The following FAAH2 variants were observed in gnomAD, a reference collection of about 807,000 sequenced individuals.
The protein encoded by FAAH2 is fatty acid amide hydrolase 2.
A neutral mutation model predicts 36.9 loss-of-function variants in FAAH2; 60 were observed. The ratio of observed to expected loss-of-function variants is 1.63; its 90% CI spans 1.32 to 2.02. The LOEUF is 2.02. Ranked by LOEUF, FAAH2 falls within the 30% of genes most tolerant of loss-of-function variation. The probability of loss-of-function intolerance (pLI) is 0.00; values close to 1 mark genes in which losing one functional copy is unlikely to be tolerated. For missense variants in FAAH2, 689 were observed against 397.5 expected, an observed-to-expected ratio of 1.73 and a Z score of -6.23; for synonymous variants, 214 against 143.8, an observed-to-expected ratio of 1.49 and a Z score of -3.49.
chrX:57,258,167 A>G, the FAAH2 span, among the ~76,000 whole-genome samples: 1 of 111,771 alleles, frequency 8.9e-6, no homozygotes, highest in Non-Finnish European at 1.9e-5. Flanking sequence ...TTGATTTTTC[A>G]TTAAAGCATC....
the FAAH2 span, among the ~76,000 whole-genome samples, chrX:57,234,051 G>A: frequency 8.9e-6 from 1 of 112,723 alleles, no homozygotes; most frequent in Non-Finnish European, 1.9e-5. Flanking sequence ...AATGAATAAT[G>A]TTTACTTCAT....
intron 2 of FAAH2, among the ~76,000 whole-genome samples, chrX:57,295,207 G>GTATT (rs965919806): frequency 8.9e-6 from 1 of 112,106 alleles, no homozygotes; most frequent in Non-Finnish European, 1.9e-5. Context: ...ACTGGTGCCA[G>GTATT]TATTTCTGAG....
chrX:57,257,784 G>A, the FAAH2 span, among the ~76,000 whole-genome samples: 8,335 of 110,326 alleles, frequency 0.076, 787 homozygotes, highest in African/African-American at 0.26. Flanking sequence ...GAAAAATCTG[G>A]ACCCCAAAAT....
the FAAH2 span, among the ~76,000 whole-genome samples, chrX:57,264,892 G>A: frequency 1.8e-5 from 2 of 111,881 alleles, no homozygotes; most frequent in Non-Finnish European, 3.8e-5. Context: ...GGAACCAAAG[G>A]GGCAGGTAAA....
At chrX:57,392,817 C>T (rs962578426) in intron 7 of FAAH2, 37 of 660,811 alleles carry the variant, frequency 5.6e-5, no homozygotes, top group East Asian at 4.8e-4. Context: ...GACACCTTTT[C>T]GCTCTGGGTT....
At chrX:57,132,319 T>C in the FAAH2 span, among the ~76,000 whole-genome samples, 1 of 112,146 alleles carries the variant, frequency 8.9e-6, no homozygotes, top group East Asian at 2.8e-4. Flanking sequence ...GGGAGGCCGA[T>C]AACAACCATT....
At chrX:57,156,728 C>A in the FAAH2 span, among the ~76,000 whole-genome samples, 1 of 111,811 alleles carries the variant, frequency 8.9e-6, no homozygotes, top group Non-Finnish European at 1.9e-5. Flanking sequence ...TCTGTTACCT[C>A]TCTTTCTGCT....
chrX:57,249,832 C>A, the FAAH2 span, among the ~76,000 whole-genome samples: 1 of 111,875 alleles, frequency 8.9e-6, no homozygotes, highest in Non-Finnish European at 1.9e-5. Flanking sequence ...GAAGGAAGGC[C>A]ACAGATTGGA....
intron 7 of FAAH2, among the ~76,000 whole-genome samples, chrX:57,392,000 G>A (rs1199963745): frequency 9.1e-6 from 1 of 110,473 alleles, no homozygotes; most frequent in African/African-American, 3.3e-5. Context: ...TCAGTGTTTT[G>A]TATTTCTCCT....
the FAAH2 span, among the ~76,000 whole-genome samples, chrX:57,267,187 C>T: frequency 8.9e-6 from 1 of 112,637 alleles, no homozygotes; most frequent in Non-Finnish European, 1.9e-5. Flanking sequence ...CTCATGAGCC[C>T]ATGGCAAATC....
At chrX:57,429,624 G>C (rs1019270588) in intron 7 of FAAH2, among the ~76,000 whole-genome samples, 1 of 111,033 alleles carries the variant, frequency 9.0e-6, no homozygotes, top group African/African-American at 3.3e-5. Context: ...CAATACATAG[G>C]GTTCTCAAAG....
chrX:57,474,379 C>T (rs1412536362), intron 10 of FAAH2, among the ~76,000 whole-genome samples: 1 of 110,388 alleles, frequency 9.1e-6, no homozygotes, highest in Non-Finnish European at 1.9e-5. Flanking sequence ...CCCCAACAGG[C>T]CTCAGTGTGT....
At chrX:57,379,813 AT>A (rs34967842) in intron 6 of FAAH2, among the ~76,000 whole-genome samples, 36 of 101,657 alleles carry the variant, frequency 3.5e-4, no homozygotes, top group Middle Eastern at 0.011. Flanking sequence ...AAGTCCCTGA[AT>A]TTTTTTTTTT....
the FAAH2 span, among the ~76,000 whole-genome samples, chrX:57,173,951 A>G: frequency 1.8e-5 from 2 of 111,285 alleles, no homozygotes; most frequent in Non-Finnish European, 3.8e-5. Context: ...TTTTTGATAT[A>G]CTGTTGGATT....
intron 8 of FAAH2, among the ~76,000 whole-genome samples, chrX:57,438,552 T>G (rs1433063406): frequency 9.1e-6 from 1 of 110,326 alleles, no homozygotes; most frequent in Non-Finnish European, 1.9e-5. Context: ...ATAACATCAG[T>G]GTCATTTTTT....
chrX:57,122,747 G>C, the FAAH2 span, among the ~76,000 whole-genome samples: 1 of 111,882 alleles, frequency 8.9e-6, no homozygotes, highest in Non-Finnish European at 1.9e-5. Context: ...TATGGTATTT[G>C]AATGAGGGGA....
chrX:57,446,555 A>G (rs757001255), intron 8 of FAAH2, among the ~76,000 whole-genome samples: 1 of 111,958 alleles, frequency 8.9e-6, no homozygotes, highest in East Asian at 2.8e-4. Flanking sequence ...GAGACCTCGT[A>G]CTCATTATCA....
At chrX:57,138,234 C>T in the FAAH2 span, among the ~76,000 whole-genome samples, 1 of 111,265 alleles carries the variant, frequency 9.0e-6, no homozygotes, top group Non-Finnish European at 1.9e-5. Flanking sequence ...TACAGTTTTT[C>T]ACAGTATCCT....
At chrX:57,150,418 G>A in the FAAH2 span, among the ~76,000 whole-genome samples, 1 of 111,816 alleles carries the variant, frequency 8.9e-6, no homozygotes. Context: ...GGTCACTAAG[G>A]ACTTGCTTTA....
Sources: gnomAD v4.1 joint callset for allele counts (sites outside exome capture counted in the v4.1 genomes callset) on GRCh38, gnomAD v4.1.1 for gene constraint, MANE v1.5 for transcripts, NCBI Gene and HGNC (gene_info 2026-07-23, HGNC 2026-07-21) for gene names.